The following DNAJC13 variants were observed in gnomAD, a reference collection of about 807,000 sequenced individuals.
DNAJC13 encodes dnaJ homolog subfamily C member 13.
Under a neutral mutation model 290.5 loss-of-function variants are expected in DNAJC13, and 75 were observed. The ratio of observed to expected loss-of-function variants is 0.26; its 90% CI spans 0.21 to 0.31. The LOEUF (loss-of-function observed/expected upper bound fraction) is 0.31, where lower values mean the gene tolerates loss of function less well. DNAJC13 is among the 10% of genes least tolerant of loss of function. DNAJC13 has a pLI of 1.00. For missense variants in DNAJC13, 2,260 were observed against 2,674.5 expected (o/e 0.85, Z 3.42); for synonymous variants, 862 against 892.0 (o/e 0.97, Z 0.60).
chr3:132,455,001 A>G (rs967108794), intron 9 of DNAJC13, among the ~76,000 whole-genome samples: 18 of 152,216 alleles, frequency 1.2e-4, no homozygotes, highest in Non-Finnish European at 2.6e-4. Flanking sequence ...AATACCAAAA[A>G]CAATCTAGAA....
intron 46 of DNAJC13, chr3:132,514,902 C>A: frequency 1.4e-5 from 2 of 144,992 alleles, no homozygotes; most frequent in Admixed American, 1.3e-4. Context: ...AGGAAAATAA[C>A]CTGGGATTTT....
intron 5 of DNAJC13, among the ~76,000 whole-genome samples, chr3:132,448,769 C>T (rs984434234): frequency 2.6e-5 from 4 of 152,058 alleles, no homozygotes; most frequent in African/African-American, 9.7e-5. Context: ...TCCCAGAAAC[C>T]TCACTAATTT....
At chr3:132,432,494 C>T (rs766522951) in intron 1 of DNAJC13, among the ~76,000 whole-genome samples, 9 of 152,092 alleles carry the variant, frequency 5.9e-5, no homozygotes, top group Non-Finnish European at 1.0e-4. Flanking sequence ...CATGAGCCAC[C>T]GCTCCCGGCC....
At chr3:132,480,663 T>C (rs1273165435) in intron 26 of DNAJC13, among the ~76,000 whole-genome samples, 193 bp downstream of exon 26, 1 of 152,164 alleles carries the variant, frequency 6.6e-6, no homozygotes, top group Non-Finnish European at 1.5e-5. Flanking sequence ...ACAGTAACGA[T>C]TGAGTTTTAT....
chr3:132,496,053 C>G (rs2107713286), intron 35 of DNAJC13, among the ~76,000 whole-genome samples: 1 of 152,246 alleles, frequency 6.6e-6, no homozygotes, highest in East Asian at 1.9e-4. Context: ...AGGAGTACCT[C>G]TTAGCTCTGC....
chr3:132,435,632 T>G (rs1344225245), intron 2 of DNAJC13, among the ~76,000 whole-genome samples: 1 of 152,136 alleles, frequency 6.6e-6, no homozygotes, highest in Admixed American at 6.5e-5. Context: ...TGTCTCTCAT[T>G]TTTTTTCCCC....
At chr3:132,422,997 C>T (rs1939001567) in intron 1 of DNAJC13, among the ~76,000 whole-genome samples, 1 of 152,146 alleles carries the variant, frequency 6.6e-6, no homozygotes, top group South Asian at 2.1e-4. Flanking sequence ...GAAAACAAAA[C>T]CCCTAAAGCA....
chr3:132,514,334 G>C (rs969064161), intron 45 of DNAJC13, among the ~76,000 whole-genome samples: 2 of 150,234 alleles, frequency 1.3e-5, no homozygotes, highest in African/African-American at 5.0e-5. Flanking sequence ...AAACACTATA[G>C]TATATACCTT....
chr3:132,447,350 C>T lies in DNAJC13; in HGVS notation c.174C>T (p.Ser58=). 1.9e-6 allele frequency: 3 copies of T among 1,595,746 alleles called. No homozygotes were observed. The highest frequency in any genetic ancestry group is 2.6e-6 in the Non-Finnish European group (3 of 1,173,412). Residue 58 remains serine, a synonymous_variant, in exon 4 of 56, where the codon AGC becomes AGT. Transcript: ENST00000260818. ...QWPYGDICSI[S]PVGKGQGTEF... ...CTTATGGAGACATTTGCAGCATCAG[C>T]CCTGTTGGAAAAGGACAAGGAACGG...
intron 6 of DNAJC13, among the ~76,000 whole-genome samples, chr3:132,451,813 A>T (rs1408935856): frequency 6.6e-6 from 1 of 152,256 alleles, no homozygotes; most frequent in East Asian, 1.9e-4. Context: ...ATAAACAATG[A>T]TGGGGGCTAG....
chr3:132,488,181 G>T, intron 29 of DNAJC13, 117 bp from the exon 30 acceptor site: 1 of 868,514 alleles, frequency 1.2e-6, no homozygotes, highest in South Asian at 2.8e-5. Context: ...TGACTCCCAT[G>T]GGTTTTTATT....
At chr3:132,495,768 A>G (rs1470360822) in intron 35 of DNAJC13, among the ~76,000 whole-genome samples, 3 of 152,246 alleles carry the variant, frequency 2.0e-5, no homozygotes, top group African/African-American at 7.2e-5. Flanking sequence ...GTATTCCTGA[A>G]TGAGAAGACA....
intron 20 of DNAJC13, among the ~76,000 whole-genome samples, chr3:132,470,560 C>T (rs1315325825): frequency 1.6e-4 from 22 of 136,524 alleles, no homozygotes; most frequent in East Asian, 2.3e-4. Context: ...CCAGTAGGGG[C>T]GGCCGGGCAG....
intron 28 of DNAJC13, chr3:132,484,298 C>A: frequency 2.2e-6 from 1 of 457,960 alleles, no homozygotes; most frequent in Non-Finnish European, 4.1e-6. Context: ...TACCCACTGA[C>A]AGTGTGTTGA....
intron 44 of DNAJC13, 131 bp from the exon 45 acceptor site, chr3:132,512,877 A>C (rs776866624): frequency 1.4e-6 from 1 of 725,758 alleles, no homozygotes; most frequent in South Asian, 1.8e-5. Context: ...CACTTACTTC[A>C]TGTCACAGAT....
At chr3:132,462,904 G>C (rs1020429303) in intron 16 of DNAJC13, among the ~76,000 whole-genome samples, 1 of 152,174 alleles carries the variant, frequency 6.6e-6, no homozygotes, top group Non-Finnish European at 1.5e-5. Flanking sequence ...ATGATACCAA[G>C]TAAGAAAGGC....
chr3:132,451,306 A>G (rs962822097), intron 6 of DNAJC13, among the ~76,000 whole-genome samples: 3 of 151,288 alleles, frequency 2.0e-5, no homozygotes, highest in African/African-American at 7.3e-5. Context: ...CACAAAAAGG[A>G]AAAAAAAATG....
chr3:132,526,094 T>A lies in DNAJC13; in HGVS notation c.6241-47T>A, dbSNP rs369325220. Reference sequence around the variant, plus strand: ...TTTTGTTATGGTATTTACTATGTTATATAAATATTGCCAGTCTACAAGTAA... The same window carrying A: ...TTTTGTTATGGTATTTACTATGTTAAATAAATATTGCCAGTCTACAAGTAA... On this transcript the variant is annotated intron_variant, in intron 52 of 55. Coordinates refer to ENST00000260818, the MANE Select transcript of DNAJC13 (RefSeq NM_015268.4). 1.9e-6 allele frequency: 3 copies of A among 1,605,906 alleles called. No individual in the cohort carries two copies. The African/African-American group carries it at 4.0e-5, about 22-fold the overall frequency.
intron 2 of DNAJC13, 30 bp downstream of exon 2, chr3:132,434,648 G>A (rs1939332816): frequency 2.0e-6 from 3 of 1,537,908 alleles, no homozygotes; most frequent in African/African-American, 2.8e-5. Flanking sequence ...TTTTTTTTCT[G>A]TGCTTCTATA....
Sources: allele counts gnomAD v4.1 joint callset (sites outside exome capture counted in the v4.1 genomes callset), GRCh38; gene constraint gnomAD v4.1.1; transcripts MANE v1.5; gene names NCBI Gene and HGNC (gene_info 2026-07-23, HGNC 2026-07-21).